BAZ2B: variants seen among roughly 807,000 people sequenced by gnomAD.
The protein encoded by BAZ2B is bromodomain adjacent to zinc finger domain 2B, also known as bromodomain adjacent to zinc finger domain protein 2B.
A neutral mutation model predicts 246.0 loss-of-function variants in BAZ2B; 91 were observed. That is an observed-to-expected ratio of 0.37 (90% CI 0.31 to 0.44). BAZ2B has a LOEUF of 0.44. BAZ2B is among the 20% of genes least tolerant of loss of function. The pLI, the probability that BAZ2B is intolerant of heterozygous loss-of-function variation, is 1.00. For synonymous variants in BAZ2B, 855 were observed against 860.0 expected (o/e 0.99, Z 0.10); for missense variants, 2,332 against 2,533.7 (o/e 0.92, Z 1.71).
chr2:159,630,690 C>G, the BAZ2B span, among the ~76,000 whole-genome samples: 1 of 152,084 alleles, frequency 6.6e-6, no homozygotes, highest in Non-Finnish European at 1.5e-5. Context: ...CCCGCTACCA[C>G]GCCCGGCTAA....
At chr2:159,681,059 G>A in the BAZ2B span, among the ~76,000 whole-genome samples, 1 of 151,998 alleles carries the variant, frequency 6.6e-6, no homozygotes, top group East Asian at 1.9e-4. Flanking sequence ...AAAGCGGGGG[G>A]AAAAAACTTC....
At chr2:159,587,371 C>A (rs539144974) in intron 1 of BAZ2B, among the ~76,000 whole-genome samples, 1 of 152,156 alleles carries the variant, frequency 6.6e-6, no homozygotes, top group Non-Finnish European at 1.5e-5. Context: ...CGAGCCACCA[C>A]GCTCGACGCA....
chr2:159,446,116 GAGA>G (rs368936978), intron 6 of BAZ2B, among the ~76,000 whole-genome samples: 2 of 151,676 alleles, frequency 1.3e-5, no homozygotes, highest in East Asian at 1.9e-4. Flanking sequence ...TCTGTCAAAG[GAGA>G]AGAAGAAAGA....
Position 159,337,628 on chromosome 2 carries a change from C to T in BAZ2B, c.5599G>A (p.Asp1867Asn), listed in dbSNP as rs1166745502. The T allele has an allele frequency of 1.9e-6, 3 of 1,614,110 alleles. No homozygotes were observed. Among genetic ancestry groups the T allele is most frequent in the Non-Finnish European group, 2.5e-6 (3 of 1,180,030 alleles). The change falls in exon 32 of 37, where the codon GAC (aspartate) becomes AAC (asparagine). Residue 1867 changes from aspartate (D) to asparagine (N), a missense_variant. Asp to Asn is a conservative substitution (Grantham distance 23). Coordinates refer to ENST00000392783, the MANE Select transcript of BAZ2B (RefSeq NM_013450.4). ...SSAHALERKS[D>N]NPLDIAVTRL... is the part of the protein sequence containing the mutation. ...GTTACAGCTATATCTAGGGGGTTGT[C>T]ACTCTTCCGTTCTAGTGCATGTGCA...
intron 2 of BAZ2B, among the ~76,000 whole-genome samples, chr2:159,537,703 C>T (rs1344987069): frequency 6.6e-6 from 1 of 152,174 alleles, no homozygotes; most frequent in East Asian, 1.9e-4. Context: ...TTATTCGGTT[C>T]TCTCAATCTG....
intron 2 of BAZ2B, among the ~76,000 whole-genome samples, chr2:159,489,083 C>T (rs1302373414): frequency 6.6e-6 from 1 of 152,082 alleles, no homozygotes; most frequent in Admixed American, 6.5e-5. Flanking sequence ...TACGCTTTTC[C>T]CCTAATAATG....
At chr2:159,340,938 T>C (rs145983010) in intron 31 of BAZ2B, among the ~76,000 whole-genome samples, 69 of 151,892 alleles carry the variant, frequency 4.5e-4, no homozygotes, top group African/African-American at 1.7e-3. Flanking sequence ...CAAAAATAAA[T>C]AATAATCAAG....
intron 1 of BAZ2B, among the ~76,000 whole-genome samples, chr2:159,588,375 T>C (rs376502863): frequency 1.3e-5 from 2 of 151,834 alleles, no homozygotes; most frequent in African/African-American, 4.8e-5. Context: ...AACTCCAAAA[T>C]AGGCTGGGTA....
chr2:159,370,760 C>G lies in BAZ2B; in HGVS notation c.4213+2285G>C, dbSNP rs538635992. Among the ~76,000 whole-genome samples the G allele has an allele frequency of 2.0e-4, 30 of 152,194 alleles. No homozygotes were observed. In the South Asian group the frequency reaches 5.6e-3, roughly 28 times the overall value. ...TTTGACTTAATTTCATTTCAAACAA[C>G]CCCTCCTATTGACTGCTCTAATTCA... On this transcript the variant is annotated intron_variant, in intron 27 of 36. Transcript: ENST00000392783.
intron 2 of BAZ2B, among the ~76,000 whole-genome samples, chr2:159,495,537 T>C (rs952260924): frequency 2.7e-4 from 34 of 127,504 alleles, no homozygotes; most frequent in African/African-American, 1.0e-3. Context: ...AAAAAGAAAA[T>C]GCTTCTGAAA....
At chr2:159,494,776 A>G (rs1577742532) in intron 2 of BAZ2B, among the ~76,000 whole-genome samples, 1 of 152,264 alleles carries the variant, frequency 6.6e-6, no homozygotes, top group Admixed American at 6.5e-5. Context: ...ACCATTTATG[A>G]AAACATCTGA....
chr2:159,519,451 C>T (rs1280172629), intron 2 of BAZ2B, among the ~76,000 whole-genome samples: 8 of 148,138 alleles, frequency 5.4e-5, no homozygotes, highest in Non-Finnish European at 1.5e-5. Context: ...AGGATGGTCT[C>T]GATCTCCTGA....
intron 31 of BAZ2B, among the ~76,000 whole-genome samples, chr2:159,341,852 T>C (rs1402676827): frequency 6.6e-6 from 1 of 152,168 alleles, no homozygotes; most frequent in Non-Finnish European, 1.5e-5. Flanking sequence ...CCAAAATGTA[T>C]GGGACACAGC....
chr2:159,420,623 T>C (rs946138550), intron 13 of BAZ2B, among the ~76,000 whole-genome samples: 1 of 152,218 alleles, frequency 6.6e-6, no homozygotes, highest in Admixed American at 6.5e-5. Flanking sequence ...AGGTAGATCA[T>C]CATATATTTC....
chr2:159,628,873 T>C, the BAZ2B span, among the ~76,000 whole-genome samples: 1 of 151,964 alleles, frequency 6.6e-6, no homozygotes, highest in Non-Finnish European at 1.5e-5. Context: ...ATCATCAGAG[T>C]GAACAGGAAA....
chr2:159,701,060 T>C, the BAZ2B span, among the ~76,000 whole-genome samples: 1 of 152,204 alleles, frequency 6.6e-6, no homozygotes, highest in Non-Finnish European at 1.5e-5. Flanking sequence ...AAGAAAAATA[T>C]TACAAAACTT....
intron 1 of BAZ2B, among the ~76,000 whole-genome samples, chr2:159,579,678 A>G (rs2151623855): frequency 6.6e-6 from 1 of 152,302 alleles, no homozygotes; most frequent in African/African-American, 2.4e-5. Flanking sequence ...ATCCTCAATA[A>G]AATACTGGCA....
intron 2 of BAZ2B, among the ~76,000 whole-genome samples, chr2:159,500,852 G>A (rs2081623556): frequency 6.6e-6 from 1 of 151,628 alleles, no homozygotes; most frequent in Non-Finnish European, 1.5e-5. Context: ...TACTTGGGAG[G>A]CTGAGTCAGG....
chr2:159,529,363 G>A lies in BAZ2B; in HGVS notation c.-3+26460C>T, dbSNP rs2085111327. On this transcript the variant is annotated intron_variant, in intron 2 of 36. Transcript: ENST00000392783. ...ATGTTCATTTATGTGAAATCTCTCT[G>A]GCTTCCTTTGTAACTCTCTCTCATT... 2.0e-5 allele frequency among the ~76,000 whole-genome samples: 3 copies of A among 150,356 alleles called. No homozygotes were observed. The South Asian group carries it at 6.3e-4, about 31-fold the overall frequency.
Sources: gnomAD v4.1 joint callset for allele counts (sites outside exome capture counted in the v4.1 genomes callset) on GRCh38, gnomAD v4.1.1 for gene constraint, MANE v1.5 for transcripts, NCBI Gene and HGNC (gene_info 2026-07-23, HGNC 2026-07-21) for gene names.